GRM3: variants seen among roughly 807,000 people sequenced by gnomAD.
GRM3 encodes the protein metabotropic glutamate receptor 3.
A neutral mutation model predicts 70.5 loss-of-function variants in GRM3; 26 were observed. That is an observed-to-expected ratio of 0.37 (90% confidence interval 0.27 to 0.51). The LOEUF (loss-of-function observed/expected upper bound fraction) is 0.51. Ranked by LOEUF, GRM3 falls within the 20% of genes least tolerant of loss-of-function variation. GRM3 has a pLI of 0.93. For missense variants in GRM3, 859 were observed against 1,123.8 expected (o/e 0.76, Z 3.37); for synonymous variants, 443 against 434.9 (o/e 1.02, Z -0.23).
At position 86,807,648 on chromosome 7, in the gene GRM3, G is replaced by A. The variant is rs181587696; in HGVS notation, c.1324+20532G>A. ...TATCAGCTTAAGGGGATTTTGGGCT[G>A]AGATGATGGGGTTTTCTAAATATAC... On this transcript the variant is annotated intron_variant, in intron 3 of 5. Transcript: ENST00000361669. Among the ~76,000 whole-genome samples the A allele has an allele frequency of 6.3e-4, 96 of 152,246 alleles. 2 individuals carry two copies. Among genetic ancestry groups the A allele is most frequent in the African/African-American group, 2.2e-3 (92 of 41,528 alleles).
chr7:86,675,533 C>T (rs2115930478), intron 1 of GRM3, among the ~76,000 whole-genome samples: 1 of 152,150 alleles, frequency 6.6e-6, no homozygotes, highest in East Asian at 1.9e-4. Flanking sequence ...GAGAATAAAG[C>T]TCCCAGTTCT....
intron 1 of GRM3, among the ~76,000 whole-genome samples, chr7:86,688,550 G>C (rs1794619833): frequency 6.6e-6 from 1 of 151,398 alleles, no homozygotes; most frequent in Non-Finnish European, 1.5e-5. Context: ...CATAGGCTAT[G>C]ACCAATTTCA....
rs544856847 is a variant in GRM3 at position 86,846,385 on chromosome 7, C to T, written c.2392-3985C>T. On this transcript the variant is annotated intron_variant, in intron 4 of 5. Coordinates refer to ENST00000361669, the MANE Select transcript of GRM3 (RefSeq NM_000840.3). ...TTGTTGTCTCAACCTCCCAAGGAAA[C>T]CAGTCAAAGTTTGAATGATTCACCT... is the stretch of plus-strand genomic sequence containing the variant. Among the ~76,000 whole-genome samples, 13 of 152,286 alleles carry T rather than the reference C, an allele frequency of 8.5e-5. No individual in the cohort carries two copies. In the South Asian group the frequency reaches 2.7e-3, roughly 32 times the overall value.
Position 86,839,365 on chromosome 7 carries a change from C to T in GRM3, c.1851C>T (p.Ile617=), listed in dbSNP as rs1445180075. The change falls in exon 4 of 6, where the codon ATC becomes ATT. Residue 617 remains isoleucine, a synonymous_variant. Transcript: ENST00000361669. The surrounding 1 kb of genome is among the most constrained non-coding windows in gnomAD (Gnocchi z 4.5). ...CATCGGGCCGAGAACTCTGCTACAT[C>T]TTATTGTTTGGGGTTGGCCTGTCAT... ...VKASGRELCY[I]LLFGVGLSYC... 6.2e-7 allele frequency: 1 copy of T among 1,613,964 alleles called. No homozygotes were observed. The highest frequency in any genetic ancestry group is 8.5e-7 in the Non-Finnish European group (1 of 1,179,986).
Position 86,805,676 on chromosome 7 carries a change from A to G in GRM3, c.1324+18560A>G, listed in dbSNP as rs1044741625. Among the ~76,000 whole-genome samples, 8 of 152,192 alleles carry G rather than the reference A, an allele frequency of 5.3e-5. No homozygotes were observed. In the East Asian group the frequency reaches 1.5e-3, roughly 29 times the overall value. ...TTTTACAGAATGACATATAGTTGGAATCATATAGTATGTGCCTTTTCAAGT... is the reference window on the plus strand; with the variant it reads ...TTTTACAGAATGACATATAGTTGGAGTCATATAGTATGTGCCTTTTCAAGT... On this transcript the variant is annotated intron_variant, in intron 3 of 5. Transcript: ENST00000361669.
intron 1 of GRM3, among the ~76,000 whole-genome samples, chr7:86,757,937 T>C (rs917698968): frequency 2.0e-5 from 3 of 152,184 alleles, no homozygotes; most frequent in African/African-American, 4.8e-5. Context: ...ATGTGAATGA[T>C]AGAAGTGATA....
intron 1 of GRM3, among the ~76,000 whole-genome samples, chr7:86,716,971 T>C (rs1795332653): frequency 6.6e-6 from 1 of 151,998 alleles, no homozygotes; most frequent in South Asian, 2.1e-4. Flanking sequence ...GTTCAAACTC[T>C]GACTCCTCTA....
Position 86,748,781 on chromosome 7 carries a change from T to C in GRM3, c.-140-16225T>C, listed in dbSNP as rs1270346766. 2.0e-5 allele frequency among the ~76,000 whole-genome samples: 3 copies of C among 152,090 alleles called. No individual in the cohort carries two copies. The East Asian group carries it at 5.8e-4, about 29-fold the overall frequency. On this transcript the variant is annotated intron_variant, in intron 1 of 5. Transcript: ENST00000361669. ...ATAGGGCTACTGTCCTGTTGTTCAC[T>C]GATGGTCATGAAATTAACTCAAAGT...
intron 1 of GRM3, among the ~76,000 whole-genome samples, chr7:86,713,902 A>G (rs1023978813): frequency 6.6e-6 from 1 of 151,992 alleles, no homozygotes; most frequent in African/African-American, 2.4e-5. Context: ...TCGGAGCTCT[A>G]TGCTGCATTT....
chr7:86,714,304 T>A (rs1319821420), intron 1 of GRM3, among the ~76,000 whole-genome samples: 1 of 152,044 alleles, frequency 6.6e-6, no homozygotes, highest in Non-Finnish European at 1.5e-5. Context: ...TGAATTTTTT[T>A]AAACCCTGTG....
chr7:86,845,967 T>C (rs1033662778), intron 4 of GRM3, among the ~76,000 whole-genome samples: 2 of 152,136 alleles, frequency 1.3e-5, no homozygotes, highest in African/African-American at 4.8e-5. Context: ...CCAAGTGTGT[T>C]TTGCTTCTTT....
intron 4 of GRM3, among the ~76,000 whole-genome samples, chr7:86,842,658 G>T (rs1798578989): frequency 6.6e-6 from 1 of 152,174 alleles, no homozygotes; most frequent in East Asian, 1.9e-4. Context: ...CAGTCAACAA[G>T]GTTTATATCT....
chr7:86,805,528 G>A (rs1797772225), intron 3 of GRM3, among the ~76,000 whole-genome samples: 1 of 152,078 alleles, frequency 6.6e-6, no homozygotes, highest in Non-Finnish European at 1.5e-5. Flanking sequence ...CATCCATTCA[G>A]CATTATAGTA....
rs552340646 is a variant in GRM3 at position 86,839,758 on chromosome 7, G to A, written c.2244G>A (p.Val748=). ...LISLTYDVIL[V]ILCTVYAFKT... ...CTCTTACCTACGATGTGATCCTGGT[G>A]ATCTTATGCACTGTGTACGCCTTCA... is the stretch of plus-strand genomic sequence containing the variant. The change falls in exon 4 of 6, where the codon GTG becomes GTA. Residue 748 remains valine, a synonymous_variant. Transcript: ENST00000361669. This position sits in a 1 kb window ranked among gnomAD's most constrained non-coding sequence, Gnocchi z 4.5. 7.4e-6 allele frequency: 12 copies of A among 1,614,072 alleles called. No individual in the cohort carries two copies. The South Asian group carries it at 1.1e-4, about 15-fold the overall frequency.
Position 86,786,297 on chromosome 7 carries a change from A to G in GRM3, c.505A>G (p.Ile169Val). The G allele has an allele frequency of 6.2e-7, 1 of 1,614,028 alleles. No individual in the cohort carries two copies. The highest frequency in any genetic ancestry group is 8.5e-7 in the Non-Finnish European group (1 of 1,179,940). The change falls in exon 3 of 6, where the codon ATC becomes GTC. Residue 169 changes from isoleucine (I) to valine (V), a missense_variant. By Grantham distance (29) the Ile-to-Val change is conservative. Coordinates refer to ENST00000361669, the MANE Select transcript of GRM3 (RefSeq NM_000840.3). The surrounding 1 kb of genome is among the most constrained non-coding windows in gnomAD (Gnocchi z 6.0). The stretch of plus-strand genomic sequence containing the variant: ...GCTGCGGCTCTTCCAGATCCCTCAG[A>G]TCAGCTACGCATCCACCAGCGCCAA... ...NLLRLFQIPQ[I>V]SYASTSAKLS... is the part of the protein sequence containing the mutation.
At chr7:86,851,851 G>A (rs1051574062) in intron 5 of GRM3, among the ~76,000 whole-genome samples, 3 of 152,144 alleles carry the variant, frequency 2.0e-5, no homozygotes, top group African/African-American at 7.2e-5. Flanking sequence ...AGCAAACAAA[G>A]CTCTTTTTAG....
chr7:86,726,571 C>T (rs1252265077), intron 1 of GRM3, among the ~76,000 whole-genome samples: 1 of 152,178 alleles, frequency 6.6e-6, no homozygotes, highest in African/African-American at 2.4e-5. Flanking sequence ...CCATCACTAA[C>T]CATTTCCCCC....
intron 2 of GRM3, among the ~76,000 whole-genome samples, chr7:86,778,215 C>A (rs1172474937): frequency 1.3e-5 from 2 of 152,154 alleles, no homozygotes; most frequent in Non-Finnish European, 2.9e-5. Context: ...CTGTAAATAA[C>A]ATTCTTCTTG....
At chr7:86,855,768 G>A (rs903228262) in intron 5 of GRM3, among the ~76,000 whole-genome samples, 4 of 152,100 alleles carry the variant, frequency 2.6e-5, no homozygotes, top group Admixed American at 1.3e-4. Context: ...AGTTAGCAAG[G>A]GGCAATGGCC....
Sources: gnomAD v4.1 joint callset for allele counts (sites outside exome capture counted in the v4.1 genomes callset) on GRCh38, gnomAD v4.1.1 for gene constraint, Gnocchi (gnomAD v3.1) non-coding constraint, MANE v1.5 for transcripts, NCBI Gene and HGNC (gene_info 2026-07-23, HGNC 2026-07-21) for gene names.